The following PKHD1 variants were observed in gnomAD, a reference collection of about 807,000 sequenced individuals.
PKHD1 encodes fibrocystin.
PKHD1 carries 291 observed loss-of-function variants against 412.0 expected under a neutral mutation model. The ratio of observed to expected loss-of-function variants is 0.71; its 90% CI spans 0.64 to 0.78. The LOEUF (loss-of-function observed/expected upper bound fraction) is 0.78. PKHD1 is among the 30% of genes least tolerant of loss of function. PKHD1 has a pLI of 0.00. For synonymous variants in PKHD1, 1,777 were observed against 1,821.5 expected (o/e 0.98, Z 0.62); for missense variants, 4,825 against 4,950.7 (o/e 0.97, Z 0.76).
chr6:52,068,770 G>T (rs1810139915), intron 11 of PKHD1, among the ~76,000 whole-genome samples: 2 of 152,154 alleles, frequency 1.3e-5, no homozygotes, highest in African/African-American at 4.8e-5. Flanking sequence ...AAAAATCAGG[G>T]TCAAAATGCA....
In PKHD1 at chr6:51,912,487, T is replaced by G. The variant is rs143832120; in HGVS notation, c.6211A>C (p.Asn2071His). The change falls in exon 38 of 67, where the codon AAC (asparagine) becomes CAC (histidine). Residue 2071 changes from asparagine to histidine, a missense_variant. Physicochemically the swap from Asn to His is moderately conservative, Grantham distance 68. Coordinates refer to ENST00000371117, the MANE Select transcript of PKHD1 (RefSeq NM_138694.4). Reference protein sequence around the residue: ...VLALEDAVDWNPGDEVVIISG... With the variant: ...VLALEDAVDWHPGDEVVIISG... ...ATGATGACAACTTCATCCCCAGGGTTCCAGTCCACAGCATCTTCTAAAGCC... is the reference window on the plus strand; with the variant it reads ...ATGATGACAACTTCATCCCCAGGGTGCCAGTCCACAGCATCTTCTAAAGCC... 7.0e-4 allele frequency: 1,124 copies of G among 1,613,216 alleles called. 11 individuals carry two copies. The African/African-American group carries it at 8.4e-3, about 12-fold the overall frequency.
At position 51,754,768 on chromosome 6, in the gene PKHD1, C is replaced by T. The variant is rs759481162; in HGVS notation, c.8797+16G>A. 1.2e-6 allele frequency: 2 copies of T among 1,612,284 alleles called. No homozygotes were observed. Among genetic ancestry groups the T allele is most frequent in the South Asian group, 2.2e-5 (2 of 91,038 alleles). On this transcript the variant is annotated intron_variant, in intron 56 of 66. Transcript: ENST00000371117. ...TAGCTCATTCACTTACCTTAACCAA[C>T]AAACCAAAGCCTTACCAATATGCCG...
intron 36 of PKHD1, among the ~76,000 whole-genome samples, chr6:51,941,589 A>G (rs1303326483): frequency 6.6e-6 from 1 of 151,466 alleles, no homozygotes; most frequent in Non-Finnish European, 1.5e-5. Flanking sequence ...AACTCTCTTT[A>G]CAATTCCACC....
chr6:52,027,590 AGAAAAG>A (rs1802415952), intron 31 of PKHD1, among the ~76,000 whole-genome samples: 1 of 149,966 alleles, frequency 6.7e-6, no homozygotes, highest in South Asian at 2.1e-4. Context: ...GAAAAAAAAA[AGAAAAG>A]AAAAGCAGGC....
At chr6:51,850,011 G>T (rs1395905060) in intron 49 of PKHD1, among the ~76,000 whole-genome samples, 1 of 152,154 alleles carries the variant, frequency 6.6e-6, no homozygotes, top group Non-Finnish European at 1.5e-5. Flanking sequence ...TTCTTCTAGG[G>T]TTTTTATGGT....
chr6:51,935,672 C>G (rs189864568), intron 36 of PKHD1, among the ~76,000 whole-genome samples: 1 of 152,242 alleles, frequency 6.6e-6, no homozygotes, highest in African/African-American at 2.4e-5. Context: ...ACCTCCAATA[C>G]CTCTCTAATA....
intron 15 of PKHD1, among the ~76,000 whole-genome samples, chr6:52,059,639 TA>T (rs1808371957): frequency 6.6e-6 from 1 of 152,134 alleles, no homozygotes; most frequent in Non-Finnish European, 1.5e-5. Flanking sequence ...CACAAACACA[TA>T]CATAATATAT....
Position 51,659,089 on chromosome 6 carries a change from T to G in PKHD1, c.11037A>C (p.Ser3679=), listed in dbSNP as rs1204544455. The part of the protein sequence containing the change: ...SPTVRSTGMI[S]SLSSNKLQNL... ...TCTGTAATTTGTTACTTGATAAGGA[T>G]GAAATCATTCCAGTGCTCCTTACTG... Residue 3679 remains serine, a synonymous_variant, in exon 61 of 67, where the codon TCA becomes TCC. Transcript: ENST00000371117. 2 of 1,613,834 alleles carry G rather than the reference T, an allele frequency of 1.2e-6. No individual in the cohort carries two copies. Among genetic ancestry groups the G allele is most frequent in the Non-Finnish European group, 1.7e-6 (2 of 1,179,826 alleles).
rs192450061 is a variant in PKHD1 at position 52,053,245 on chromosome 6, C to T, written c.1971G>A (p.Gln657=). 4 of 1,614,152 alleles carry T rather than the reference C, an allele frequency of 2.5e-6. No individual in the cohort carries two copies. In the Admixed American group the frequency reaches 6.7e-5, roughly 27 times the overall value. Residue 657 remains glutamine (Q), a synonymous_variant, in exon 21 of 67, where the codon CAG becomes CAA. Coordinates refer to ENST00000371117, the MANE Select transcript of PKHD1 (RefSeq NM_138694.4). ...TCTCCCAGAGGTCAGTGCAATCGAA[C>T]TGCCAGCTGAAAAACAGCATGGAGC... ...SLTRTSPESW[Q]FDCTDLWETC... is the part of the protein sequence containing the mutation.
rs1808822771 is a variant in PKHD1, at chr6:52,062,507, C to T, written c.1118+12G>A. The T allele has an allele frequency of 5.6e-6, 9 of 1,613,892 alleles. No individual in the cohort carries two copies. The highest frequency in any genetic ancestry group is 1.7e-4 in the Middle Eastern group (1 of 6,056). ...GCTTTTGATGTGGGCTCCCACTTTT[C>T]CTACAACATACCTGAAAGGTTGTCC... On this transcript the variant is annotated intron_variant, in intron 14 of 66. Transcript: ENST00000371117.
At chr6:51,905,206 CT>C (rs943293269) in intron 41 of PKHD1, among the ~76,000 whole-genome samples, 12 of 152,222 alleles carry the variant, frequency 7.9e-5, no homozygotes, top group African/African-American at 2.9e-4. Flanking sequence ...CTCTGATTTG[CT>C]TTTTTATTCT....
In PKHD1 at chr6:52,050,035, T is replaced by C. The variant is rs112912382; in HGVS notation, c.2279+122A>G. On this transcript the variant is annotated intron_variant, in intron 22 of 66. Coordinates refer to ENST00000371117, the MANE Select transcript of PKHD1 (RefSeq NM_138694.4). ...TGAATCTGGTGCTGCATTCTCAAGA[T>C]TGAGAACATTGCTTTAAGCAACAAG... is the stretch of plus-strand genomic sequence containing the variant. The C allele has an allele frequency of 2.1e-4, 186 of 901,312 alleles. 2 individuals are homozygous for C. In the African/African-American group the frequency reaches 2.2e-3, roughly 11 times the overall value. The allele number at this position is 901,312 out of a possible 1,614,324, so 55.8% of individuals were successfully genotyped here.
At chr6:52,085,540 C>G (rs1156628442) in intron 1 of PKHD1, among the ~76,000 whole-genome samples, 1 of 152,180 alleles carries the variant, frequency 6.6e-6, no homozygotes, top group Non-Finnish European at 1.5e-5. Context: ...GGCGCACCTT[C>G]GTGGTGCTGC....
chr6:51,682,225 T>C (rs189637514), intron 60 of PKHD1: 41 of 456,004 alleles, frequency 9.0e-5, no homozygotes, highest in African/African-American at 6.6e-4. Flanking sequence ...AGGGAACTCT[T>C]CTTTTGTCCC....
chr6:52,077,669 A>C (rs1023104596), intron 5 of PKHD1, among the ~76,000 whole-genome samples: 1 of 152,190 alleles, frequency 6.6e-6, no homozygotes, highest in Non-Finnish European at 1.5e-5. Flanking sequence ...GTATTGATCC[A>C]TATGCTGTAT....
intron 52 of PKHD1, among the ~76,000 whole-genome samples, chr6:51,796,212 A>AG (rs1193826303): frequency 3.1e-5 from 3 of 95,580 alleles, no homozygotes; most frequent in Non-Finnish European, 4.8e-5. Flanking sequence ...TCAGGGATTC[A>AG]ATTCTTCCTC....
intron 43 of PKHD1, among the ~76,000 whole-genome samples, chr6:51,898,026 G>A (rs1583261797): frequency 6.7e-6 from 1 of 149,284 alleles, no homozygotes; most frequent in South Asian, 2.1e-4. Flanking sequence ...AGTCCTGAGT[G>A]ACCTACAAAG....
intron 22 of PKHD1, among the ~76,000 whole-genome samples, chr6:52,049,359 T>G (rs1460846732): frequency 6.6e-6 from 1 of 152,220 alleles, no homozygotes; most frequent in Non-Finnish European, 1.5e-5. Context: ...AGTATAATCT[T>G]ATAGGACCAC....
At chr6:51,701,853 G>A (rs1483615331) in intron 60 of PKHD1, among the ~76,000 whole-genome samples, 2 of 151,766 alleles carry the variant, frequency 1.3e-5, no homozygotes, top group Non-Finnish European at 2.9e-5. Flanking sequence ...TTTAGGCTTT[G>A]TGGCCAAGAG....
Sources: allele counts gnomAD v4.1 joint callset (sites outside exome capture counted in the v4.1 genomes callset), GRCh38; gene constraint gnomAD v4.1.1; transcripts MANE v1.5; gene names NCBI Gene and HGNC (gene_info 2026-07-23, HGNC 2026-07-21).